The following TCP11 variants were observed in gnomAD, a reference collection of about 807,000 sequenced individuals.
TCP11 encodes t-complex 11.
TCP11 carries 34 observed loss-of-function variants against 45.0 expected under a neutral mutation model. The ratio of observed to expected loss-of-function variants is 0.76; its 90% CI spans 0.57 to 1.01. The LOEUF is 1.01. Among genes scored for constraint, TCP11 ranks in the 50% least tolerant of loss-of-function variants. TCP11 has a pLI of 0.00. For synonymous variants in TCP11, 227 were observed against 227.0 expected, an observed-to-expected ratio of 1.00 and a Z score of 0.00; for missense variants, 523 against 598.1, an observed-to-expected ratio of 0.87 and a Z score of 1.31.
chr6:35,124,498 A>T (rs1273001225), intron 4 of TCP11, among the ~76,000 whole-genome samples: 1 of 152,166 alleles, frequency 6.6e-6, no homozygotes, highest in Non-Finnish European at 1.5e-5. Context: ...ACTATAGAAC[A>T]CTGGGTAACC....
chr6:35,128,845 CCTTA>C lies in TCP11; in HGVS notation c.357+213_357+216del, dbSNP rs1780107957. On this transcript the variant is annotated intron_variant, in intron 4 of 9. Transcript: ENST00000311875. ...TGATATTCAAGGATTCTTTAGTTTT[CCTTA>C]CTCTTACTAGCCAAGCCCTCATTTC... is the stretch of plus-strand genomic sequence containing the variant. The C allele has an allele frequency of 7.2e-6, 4 of 554,360 alleles. No homozygotes were observed. In the African/African-American group the frequency reaches 7.7e-5, roughly 11 times the overall value. The allele number at this position is 554,360 out of a possible 1,614,324, so 34.3% of individuals were successfully genotyped here.
chr6:35,124,171 T>A (rs1779586558), intron 4 of TCP11, among the ~76,000 whole-genome samples: 1 of 152,210 alleles, frequency 6.6e-6, no homozygotes. Flanking sequence ...TTTTGATTTA[T>A]TTAGAATCAC....
At chr6:35,126,188 T>G (rs994190643) in intron 4 of TCP11, among the ~76,000 whole-genome samples, 6 of 152,210 alleles carry the variant, frequency 3.9e-5, no homozygotes, top group Non-Finnish European at 7.3e-5. Context: ...ATTAAATAAA[T>G]TTTTTAAAGC....
chr6:35,120,245 G>T lies in TCP11; in HGVS notation c.1029C>A (p.Phe343Leu). 6.2e-7 allele frequency: 1 copy of T among 1,614,236 alleles called. No individual in the cohort carries two copies. The highest frequency in any genetic ancestry group is 1.1e-5 in the South Asian group (1 of 91,086). Reference protein sequence around the residue: ...MASVLLVASSFSGSVLFGSPQ... With the variant: ...MASVLLVASSLSGSVLFGSPQ... ...GTGAGCCAAACAAAACACTGCCGGA[G>T]AAACTACTGGCCACCAGCAAGACTG... Residue 343 changes from phenylalanine to leucine, a missense_variant, in exon 8 of 10, where the codon TTC (phenylalanine) becomes TTA (leucine). Phe to Leu is a conservative substitution (Grantham distance 22). Coordinates refer to ENST00000311875, the MANE Select transcript of TCP11 (RefSeq NM_001370687.1). This position sits in a 1 kb window ranked among gnomAD's most constrained non-coding sequence, Gnocchi z 4.9.
chr6:35,120,317 C>T lies in TCP11; in HGVS notation c.957G>A (p.Arg319=), dbSNP rs745370239. 1.1e-4 allele frequency: 181 copies of T among 1,614,066 alleles called. No homozygotes were observed. Among genetic ancestry groups the T allele is most frequent in the Non-Finnish European group, 1.5e-4 (180 of 1,179,930 alleles). The change falls in exon 8 of 10, where the codon CGG becomes CGA. Residue 319 remains arginine, a synonymous_variant. Coordinates refer to ENST00000311875, the MANE Select transcript of TCP11 (RefSeq NM_001370687.1). The surrounding 1 kb of genome is among the most constrained non-coding windows in gnomAD (Gnocchi z 4.9). ...GCAACTGGGACTTCAGCTCCTGCAG[C>T]CGGGTTCTGTCCATCAGCAGGGTCT... ...FPETLLMDRT[R]LQELKSQLHQ...
chr6:35,121,028 A>G lies in TCP11; in HGVS notation c.596T>C (p.Leu199Pro). 6.2e-7 allele frequency: 1 copy of G among 1,610,456 alleles called. No homozygotes were observed. The highest frequency in any genetic ancestry group is 2.2e-5 in the East Asian group (1 of 44,850). ...CACCATGTCCATTTTCATCCGGCCC[A>G]GAACCTGGAAGATCCCTCTGACACA... The part of the protein sequence containing the change: ...VWLLRGIFQV[L>P]GRMKMDMVNY... The change falls in exon 6 of 10, where the codon CTG (leucine) becomes CCG (proline). Residue 199 changes from leucine (L) to proline (P), a missense_variant. Leu to Pro is a moderately conservative substitution (Grantham distance 98, BLOSUM62 -3). Transcript: ENST00000311875.
rs559563251 is a variant in TCP11 at position 35,131,296 on chromosome 6, G to A, written c.237-2114C>T. Among the ~76,000 whole-genome samples, 34 of 151,286 alleles carry A rather than the reference G, an allele frequency of 2.2e-4. No individual in the cohort carries two copies. In the South Asian group the frequency reaches 3.6e-3, roughly 16 times the overall value. ...TCAAAACAAAAAGAAGGCCGGGCGC[G>A]GTGGCTCATGCCTATAATCCCAGCA... On this transcript the variant is annotated intron_variant, in intron 3 of 9. Transcript: ENST00000311875.
At chr6:35,139,911 G>C in intron 2 of TCP11, 2 of 1,196,008 alleles carry the variant, frequency 1.7e-6, no homozygotes, top group Non-Finnish European at 1.2e-6. Context: ...TTTTTAAAAA[G>C]GAATTTGATT....
rs1210512545 is a variant in TCP11 at position 35,141,188 on chromosome 6, G to C, written c.-15+17C>G. On this transcript the variant is annotated intron_variant, in intron 1 of 9. Coordinates refer to ENST00000311875, the MANE Select transcript of TCP11 (RefSeq NM_001370687.1). The stretch of plus-strand genomic sequence containing the variant: ...GAAACGCCGGCCCAGGCCCGCCTCC[G>C]GCTCCCAGGCCGTCACCTCCTCCTC... The C allele has an allele frequency of 2.9e-6, 4 of 1,382,866 alleles. No homozygotes were observed. Among genetic ancestry groups the C allele is most frequent in the Non-Finnish European group, 3.7e-6 (4 of 1,071,520 alleles). The allele number at this position is 1,382,866 out of a possible 1,614,324, so 85.7% of individuals were successfully genotyped here.
chr6:35,125,592 A>G (rs1433560162), intron 4 of TCP11, among the ~76,000 whole-genome samples: 2 of 152,236 alleles, frequency 1.3e-5, no homozygotes, highest in African/African-American at 4.8e-5. Flanking sequence ...CTACAACAGA[A>G]AACAGTTTGG....
intron 3 of TCP11, among the ~76,000 whole-genome samples, chr6:35,130,578 T>G (rs542813181): frequency 6.6e-6 from 1 of 152,196 alleles, no homozygotes; most frequent in South Asian, 2.1e-4. Context: ...GATGTTCAGA[T>G]GGCAAATAAG....
rs61313333 is a variant in TCP11 at position 35,121,821 on chromosome 6, G to GA, written c.578+295dup. Among the ~76,000 whole-genome samples the GA allele has an allele frequency of 4.8e-4, 63 of 130,206 alleles. 1 individual carries two copies. In the Middle Eastern group the frequency reaches 0.013, roughly 27 times the overall value. 85.4% of individuals were successfully genotyped at this position (130,206 alleles called of 152,430 possible). A position where few individuals can be genotyped will look rare whatever the true frequency, so the allele number is the denominator to read the frequency against. ...AAACTCCATCTCAAAAAAAAAGAAA[G>GA]AAAAAAAAAAACCTGGGAAAGGGAT... On this transcript the variant is annotated intron_variant, in intron 5 of 9. Transcript: ENST00000311875.
intron 3 of TCP11, among the ~76,000 whole-genome samples, chr6:35,134,879 C>T (rs895966853): frequency 2.6e-5 from 4 of 152,070 alleles, no homozygotes; most frequent in Admixed American, 1.3e-4. Flanking sequence ...GGGCCGGGTA[C>T]GGTGGCTCAC....
At chr6:35,139,941 G>T in intron 2 of TCP11, 1 of 1,428,604 alleles carries the variant, frequency 7.0e-7, no homozygotes, top group Non-Finnish European at 9.7e-7. Context: ...ACTGAGAGTT[G>T]TTTTATATAT....
chr6:35,139,201 TAA>T (rs11431249), intron 2 of TCP11, among the ~76,000 whole-genome samples: 1 of 131,770 alleles, frequency 7.6e-6, no homozygotes, highest in Non-Finnish European at 1.7e-5. Flanking sequence ...AGCTAGTTTA[TAA>T]AAAAAAAAAA....
intron 4 of TCP11, among the ~76,000 whole-genome samples, chr6:35,124,021 T>A (rs1287066950): frequency 1.3e-5 from 2 of 152,126 alleles, no homozygotes; most frequent in Non-Finnish European, 2.9e-5. Flanking sequence ...CTTGAACTCC[T>A]GGGCTCAAGA....
In TCP11 at chr6:35,120,224, G is replaced by C. The variant is rs200280008; in HGVS notation, c.1050C>G (p.Gly350=). 2.5e-6 allele frequency: 4 copies of C among 1,614,240 alleles called. No individual in the cohort carries two copies. Among genetic ancestry groups the C allele is most frequent in the Non-Finnish European group, 3.4e-6 (4 of 1,180,046 alleles). ...ASSFSGSVLF[G]SPQFVDKLKR... ...TCAGTTTATCTACAAATTGGGGTGAGCCAAACAAAACACTGCCGGAGAAAC... is the reference window on the plus strand; with the variant it reads ...TCAGTTTATCTACAAATTGGGGTGACCCAAACAAAACACTGCCGGAGAAAC... Residue 350 remains glycine, a synonymous_variant, in exon 8 of 10, where the codon GGC becomes GGG. Transcript: ENST00000311875. This position sits in a 1 kb window ranked among gnomAD's most constrained non-coding sequence, Gnocchi z 4.9.
chr6:35,125,027 CA>C (rs1395445713), intron 4 of TCP11, among the ~76,000 whole-genome samples: 2 of 150,926 alleles, frequency 1.3e-5, no homozygotes, highest in Non-Finnish European at 3.0e-5. Flanking sequence ...ACTAAAAATA[CA>C]AAAAATTAGC....
At chr6:35,125,264 C>A (rs1779701965) in intron 4 of TCP11, among the ~76,000 whole-genome samples, 1 of 150,750 alleles carries the variant, frequency 6.6e-6, no homozygotes, top group Non-Finnish European at 1.5e-5. Flanking sequence ...TTGGAGAAAA[C>A]ATAGGTGTAA....
Sources: allele counts gnomAD v4.1 joint callset (sites outside exome capture counted in the v4.1 genomes callset), GRCh38; gene constraint gnomAD v4.1.1; non-coding constraint Gnocchi (gnomAD v3.1); transcripts MANE v1.5; gene names NCBI Gene and HGNC (gene_info 2026-07-23, HGNC 2026-07-21).